SH2B3: variants seen among roughly 807,000 people sequenced by gnomAD.
The protein encoded by SH2B3 is SH2B adapter protein 3.
A neutral mutation model predicts 51.9 loss-of-function variants in SH2B3; 43 were observed. The ratio of observed to expected loss-of-function variants is 0.83; its 90% CI spans 0.65 to 1.07. The LOEUF (loss-of-function observed/expected upper bound fraction) is 1.07, where lower values mean the gene tolerates loss of function less well. SH2B3 is among the 50% of genes least tolerant of loss of function. The pLI, the probability that SH2B3 is intolerant of heterozygous loss-of-function variation, is 0.00. For synonymous variants in SH2B3, 396 were observed against 376.0 expected (o/e 1.05, Z -0.62); for missense variants, 952 against 834.3 (o/e 1.14, Z -1.74).
intron 2 of SH2B3, among the ~76,000 whole-genome samples, chr12:111,430,195 AG>A (rs1872351538): frequency 6.6e-6 from 1 of 152,118 alleles, no homozygotes; most frequent in African/African-American, 2.4e-5. Flanking sequence ...GGGAAGGCGG[AG>A]GGGGTTGGGC....
chr12:111,419,090 C>T (rs937794254), intron 2 of SH2B3, among the ~76,000 whole-genome samples: 10 of 152,016 alleles, frequency 6.6e-5, no homozygotes, highest in South Asian at 2.1e-4. Context: ...GCAGGAGGAT[C>T]GCTTGAGCCC....
chr12:111,423,303 C>A (rs1220688612), intron 2 of SH2B3, among the ~76,000 whole-genome samples: 1 of 152,222 alleles, frequency 6.6e-6, no homozygotes, highest in African/African-American at 2.4e-5. Flanking sequence ...GGCTGTGACA[C>A]CATGAAAGAC....
At position 111,418,714 on chromosome 12, in the gene SH2B3, A is replaced by G; in HGVS notation, c.569A>G (p.Glu190Gly). Residue 190 changes from glutamate to glycine, a missense_variant, in exon 2 of 8, where the codon GAG (glutamate) becomes GGG (glycine). By Grantham distance (98) the Glu-to-Gly change is moderately conservative (BLOSUM62 -2). Transcript: ENST00000341259. The surrounding 1 kb of genome is among the most constrained non-coding windows in gnomAD (Gnocchi z 6.7). ...KKFLPWSLAR[E>G]PPPEALKEAV... is the part of the protein sequence containing the mutation. ...TTCCTGCCCTGGAGCCTGGCCCGGGAGCCGCCACCCGAGGCGCTGAAGGAG... is the reference window on the plus strand; with the variant it reads ...TTCCTGCCCTGGAGCCTGGCCCGGGGGCCGCCACCCGAGGCGCTGAAGGAG... 6.7e-7 allele frequency: 1 copy of G among 1,485,312 alleles called. No individual in the cohort carries two copies. The highest frequency in any genetic ancestry group is 8.9e-7 in the Non-Finnish European group (1 of 1,125,282). 92.0% of individuals were successfully genotyped at this position (1,485,312 alleles called of 1,614,324 possible).
At chr12:111,416,104 G>A (rs879415819) in intron 1 of SH2B3, among the ~76,000 whole-genome samples, 13 of 151,964 alleles carry the variant, frequency 8.6e-5, no homozygotes, top group African/African-American at 1.9e-4. Context: ...ACCACCCCCC[G>A]CTAATTTTTT....
chr12:111,434,894 A>G, intron 2 of SH2B3: 1 of 1,535,720 alleles, frequency 6.5e-7, no homozygotes, highest in South Asian at 1.2e-5. Context: ...GGTGGAGCTC[A>G]GAAGGACATG....
At chr12:111,442,843 A>C (rs1873564693) in intron 2 of SH2B3, among the ~76,000 whole-genome samples, 1 of 152,160 alleles carries the variant, frequency 6.6e-6, no homozygotes, top group African/African-American at 2.4e-5. Flanking sequence ...TGGTCACGCC[A>C]CCAGAGCTCT....
chr12:111,442,162 G>A (rs1873475644), intron 2 of SH2B3, among the ~76,000 whole-genome samples: 1 of 152,140 alleles, frequency 6.6e-6, no homozygotes, highest in Non-Finnish European at 1.5e-5. Flanking sequence ...TTCTGGGCTG[G>A]GGTGAGGGAT....
intron 2 of SH2B3, among the ~76,000 whole-genome samples, chr12:111,421,542 G>A (rs932059736): frequency 6.7e-6 from 1 of 148,602 alleles, no homozygotes; most frequent in Non-Finnish European, 1.5e-5. Flanking sequence ...TCAGCCTCCC[G>A]AGTAACTGGG....
rs781623667 is a variant in SH2B3 at position 111,448,082 on chromosome 12, C to G, written c.1508C>G (p.Ser503Cys). The change falls in exon 8 of 8, where the codon TCT becomes TGT. Residue 503 changes from serine (S) to cysteine (C), a missense_variant. Transcript: ENST00000341259. The part of the protein sequence containing the change: ...GSELGLPHLS[S>C]SGCPRGLSPE... ...GAGTTGGGCCTTCCCCACCTTAGTT[C>G]TTCTGGCTGTCCCCGGGGGCTCAGC... 1.2e-6 allele frequency: 2 copies of G among 1,614,090 alleles called. No individual in the cohort carries two copies. The highest frequency in any genetic ancestry group is 8.5e-7 in the Non-Finnish European group (1 of 1,179,972).
In SH2B3 at chr12:111,447,198, A is replaced by G. The variant is rs143994550; in HGVS notation, c.1000A>G (p.Ser334Gly). The G allele has an allele frequency of 6.2e-5, 100 of 1,613,668 alleles. No homozygotes were observed. The African/African-American group carries it at 1.2e-3, about 20-fold the overall frequency. Reference sequence around the variant, plus strand: ...TAGCACGTCCAGCTCCCCAAGGGGCAGCACAGATTCCCTTAACCAAGGTGG... The same window carrying G: ...TAGCACGTCCAGCTCCCCAAGGGGCGGCACAGATTCCCTTAACCAAGGTGG... ...EPSTSSSPRG[S>G]TDSLNQGASP... The change falls in exon 5 of 8, where the codon AGC becomes GGC. Residue 334 changes from serine (S) to glycine (G), a missense_variant. Ser to Gly is a moderately conservative substitution (Grantham distance 56, BLOSUM62 0). Transcript: ENST00000341259.
Position 111,435,158 on chromosome 12 carries a change from C to A in SH2B3, c.733-11595C>A. ...TGTTGTTTCTTAACCACATCTTTTTCCACCCACACCCGGTGCAGAGCAGAT... is the reference window on the plus strand; with the variant it reads ...TGTTGTTTCTTAACCACATCTTTTTACACCCACACCCGGTGCAGAGCAGAT... On this transcript the variant is annotated intron_variant, in intron 2 of 7. Coordinates refer to ENST00000341259, the MANE Select transcript of SH2B3 (RefSeq NM_005475.3). The surrounding 1 kb of genome is among the most constrained non-coding windows in gnomAD (Gnocchi z 4.8). The A allele has an allele frequency of 1.4e-6, 1 of 726,872 alleles. No homozygotes were observed. Among genetic ancestry groups the A allele is most frequent in the Non-Finnish European group, 2.2e-6 (1 of 448,404 alleles). The allele number at this position is 726,872 out of a possible 1,614,324, so 45.0% of individuals were successfully genotyped here.
At chr12:111,414,075 CTG>C (rs1376961984) in intron 1 of SH2B3, among the ~76,000 whole-genome samples, 4 of 152,224 alleles carry the variant, frequency 2.6e-5, no homozygotes, top group African/African-American at 4.8e-5. Context: ...CCTGTCTCAC[CTG>C]TGTCAAGGCT....
rs1476943137 is a variant in SH2B3, at chr12:111,410,852, G to A, written c.-28+4575G>A. 1.3e-5 allele frequency among the ~76,000 whole-genome samples: 2 copies of A among 152,180 alleles called. No homozygotes were observed. Among genetic ancestry groups the A allele is most frequent in the African/African-American group, 4.8e-5 (2 of 41,436 alleles). On this transcript the variant is annotated intron_variant, in intron 1 of 7. Transcript: ENST00000341259. The surrounding 1 kb of genome is among the most constrained non-coding windows in gnomAD (Gnocchi z 4.9). ...GTGTGTCAGAATCCCACAACTCTCT[G>A]GGCCTCCTTAGGCCACAGGGTCTGG...
rs932135826 is a variant in SH2B3, at chr12:111,407,347, G to A, written c.-28+1070G>A. On this transcript the variant is annotated intron_variant, in intron 1 of 7. Transcript: ENST00000341259. This position sits in a 1 kb window ranked among gnomAD's most constrained non-coding sequence, Gnocchi z 4.3. ...CAAGGCCAGCTTTGGTGGCAGGAGGGACCGAGATCTGACCCGCAGCCCCTC... is the reference window on the plus strand; with the variant it reads ...CAAGGCCAGCTTTGGTGGCAGGAGGAACCGAGATCTGACCCGCAGCCCCTC... Among the ~76,000 whole-genome samples, 3 of 152,174 alleles carry A rather than the reference G, an allele frequency of 2.0e-5. No homozygotes were observed. The highest frequency in any genetic ancestry group is 7.2e-5 in the African/African-American group (3 of 41,426).
At chr12:111,447,060 C>T (rs1234440301) in intron 4 of SH2B3, 27 bp downstream of exon 4, 2 of 1,607,742 alleles carry the variant, frequency 1.2e-6, no homozygotes, top group South Asian at 2.2e-5. Flanking sequence ...TCGTCCCTGG[C>T]ACCACCTTTG....
chr12:111,417,066 G>A (rs946586039), intron 1 of SH2B3, among the ~76,000 whole-genome samples: 10 of 152,174 alleles, frequency 6.6e-5, no homozygotes, highest in Admixed American at 2.6e-4. Flanking sequence ...TTGTTCTGCC[G>A]TTTGCTTTTT....
Position 111,438,841 on chromosome 12 carries a change from C to T in SH2B3, c.733-7912C>T, listed in dbSNP as rs527973630. Among the ~76,000 whole-genome samples the T allele has an allele frequency of 6.6e-6, 1 of 152,162 alleles. No homozygotes were observed. The highest frequency in any genetic ancestry group is 1.5e-5 in the Non-Finnish European group (1 of 68,026). Reference sequence around the variant, plus strand: ...GCTGCCTCTCTGAGGGCACAGGCCCCGAGTGCACCTGGCACACTGAAGAAG... The same window carrying T: ...GCTGCCTCTCTGAGGGCACAGGCCCTGAGTGCACCTGGCACACTGAAGAAG... On this transcript the variant is annotated intron_variant, in intron 2 of 7. Transcript: ENST00000341259. The surrounding 1 kb of genome is among the most constrained non-coding windows in gnomAD (Gnocchi z 4.2).
intron 1 of SH2B3, among the ~76,000 whole-genome samples, chr12:111,412,403 G>A (rs1870771948): frequency 1.3e-5 from 2 of 152,280 alleles, no homozygotes; most frequent in East Asian, 3.9e-4. Flanking sequence ...AAGATCTTTT[G>A]TTCCAGCTCC....
chr12:111,418,681 C>A lies in SH2B3; in HGVS notation c.536C>A (p.Ala179Asp). 1 of 1,490,164 alleles carries A rather than the reference C, an allele frequency of 6.7e-7. No homozygotes were observed. Among genetic ancestry groups the A allele is most frequent in the Non-Finnish European group, 8.9e-7 (1 of 1,127,982 alleles). The allele number at this position is 1,490,164 out of a possible 1,614,324, so 92.3% of individuals were successfully genotyped here. A position where few individuals can be genotyped will look rare whatever the true frequency, so the allele number is the denominator to read the frequency against. Residue 179 changes from alanine to aspartate, a missense_variant, in exon 2 of 8, where the codon GCC becomes GAC. Coordinates refer to ENST00000341259, the MANE Select transcript of SH2B3 (RefSeq NM_005475.3). The surrounding 1 kb of genome is among the most constrained non-coding windows in gnomAD (Gnocchi z 6.7). ...AAETPARPGL[A>D]KKFLPWSLAR... ...GAGACCCCCGCCCGGCCTGGCCTGG[C>A]CAAGAAGTTCCTGCCCTGGAGCCTG...
Sources: allele counts gnomAD v4.1 joint callset (sites outside exome capture counted in the v4.1 genomes callset), GRCh38; gene constraint gnomAD v4.1.1; non-coding constraint Gnocchi (gnomAD v3.1); transcripts MANE v1.5; gene names NCBI Gene and HGNC (gene_info 2026-07-23, HGNC 2026-07-21).